ELF4: variants seen among roughly 807,000 people sequenced by gnomAD.
The protein encoded by ELF4 is E74 like ETS transcription factor 4.
A neutral mutation model predicts 31.7 loss-of-function variants in ELF4; 10 were observed. The observed-to-expected ratio is 0.32, with a 90% CI of 0.19 to 0.54. ELF4 has a LOEUF of 0.54. ELF4 is among the 20% of genes least tolerant of loss of function. The pLI, the probability that ELF4 is intolerant of heterozygous loss-of-function variation, is 0.95. For synonymous variants in ELF4, 208 were observed against 226.7 expected (o/e 0.92, Z 0.74); for missense variants, 418 against 522.0 (o/e 0.80, Z 1.94).
intron 1 of ELF4, among the ~76,000 whole-genome samples, chrX:130,102,105 G>A (rs1026801718): frequency 7.2e-5 from 8 of 111,052 alleles, no homozygotes; most frequent in Non-Finnish European, 1.5e-4. Flanking sequence ...GAGATCGCAC[G>A]ACTGGCACTC....
rs1296111216 is a variant in ELF4, at chrX:130,063,969, A to ATTT, written c.*2749_*2751dup. Among the ~76,000 whole-genome samples, 2 of 70,100 alleles carry ATTT rather than the reference A, an allele frequency of 2.9e-5. No homozygotes were observed. Among genetic ancestry groups the ATTT allele is most frequent in the Non-Finnish European group, 4.9e-5 (2 of 41,031 alleles). The allele number at this position is 70,100 out of a possible 115,157, so 60.9% of individuals were successfully genotyped here. A position where few individuals can be genotyped will look rare whatever the true frequency, so the allele number is the denominator to read the frequency against. On this transcript the variant is annotated 3_prime_UTR_variant, in exon 9 of 9. Transcript: ENST00000308167. ...TCGTGACGGCCTTTTTGTTTGCTTG[A>ATTT]TTTTTATTATTATTATTATTATTAT...
At chrX:130,092,939 T>A (rs3848963) in intron 1 of ELF4, among the ~76,000 whole-genome samples, 5 of 109,789 alleles carry the variant, frequency 4.6e-5, no homozygotes, top group African/African-American at 1.0e-4. Context: ...GCAGTTGGCC[T>A]GTGGAGCCCA....
At chrX:130,075,477 C>T (rs1315670074) in intron 2 of ELF4, among the ~76,000 whole-genome samples, 5 of 109,667 alleles carry the variant, frequency 4.6e-5, no homozygotes, top group Admixed American at 2.0e-4. Flanking sequence ...GGAGTTTCAC[C>T]GTGTTAGCCA....
intron 1 of ELF4, among the ~76,000 whole-genome samples, chrX:130,088,976 C>T (rs1173963257): frequency 3.6e-5 from 4 of 111,299 alleles, no homozygotes; most frequent in East Asian, 2.8e-4. Context: ...CTCCCAAATG[C>T]GCCCTTCTGC....
At chrX:130,108,817 C>G (rs891295678) in intron 1 of ELF4, among the ~76,000 whole-genome samples, 7 of 109,725 alleles carry the variant, frequency 6.4e-5, no homozygotes, top group South Asian at 8.0e-4. Flanking sequence ...TGGTCCCCCC[C>G]ACCCCTGCCC....
intron 7 of ELF4, among the ~76,000 whole-genome samples, chrX:130,069,940 C>T (rs1420732523): frequency 7.1e-5 from 8 of 112,332 alleles, no homozygotes; most frequent in African/African-American, 2.6e-4. Flanking sequence ...CCACTCCAAC[C>T]CCCTGCTTTG....
chrX:130,081,225 G>C (rs1021456513), intron 2 of ELF4, 31 bp downstream of exon 2: 1 of 1,203,889 alleles, frequency 8.3e-7, no homozygotes, highest in Non-Finnish European at 1.1e-6. Context: ...GTCCACAGGG[G>C]CTAACTGTGC....
intron 1 of ELF4, among the ~76,000 whole-genome samples, 180 bp from the exon 2 acceptor site, chrX:130,081,719 G>C (rs1932890602): frequency 8.9e-6 from 1 of 112,515 alleles, no homozygotes; most frequent in South Asian, 3.7e-4. Context: ...GTCAGGGAAA[G>C]AAAGAAGGAG....
intron 1 of ELF4, among the ~76,000 whole-genome samples, chrX:130,106,294 G>A (rs777088187): frequency 1.8e-5 from 2 of 110,669 alleles, no homozygotes; most frequent in Non-Finnish European, 3.8e-5. Context: ...CCACTGGCCC[G>A]GCTGCTTGTC....
chrX:130,103,671 G>A (rs1231727596), intron 1 of ELF4, among the ~76,000 whole-genome samples: 3 of 111,715 alleles, frequency 2.7e-5, no homozygotes, highest in Non-Finnish European at 3.8e-5. Flanking sequence ...CCTTGTTATC[G>A]GGTCATCAGG....
At chrX:130,090,372 C>CA (rs1183281100) in intron 1 of ELF4, among the ~76,000 whole-genome samples, 1,374 of 96,330 alleles carry the variant, frequency 0.014, 18 homozygotes, top group African/African-American at 0.046. Context: ...GACTCTGTCT[C>CA]AAAAAAAAAA....
At chrX:130,092,928 C>T (rs139049166) in intron 1 of ELF4, among the ~76,000 whole-genome samples, 66 of 110,597 alleles carry the variant, frequency 6.0e-4, no homozygotes, top group African/African-American at 1.4e-3. Context: ...ACTCAAGTCC[C>T]GCAGTTGGCC....
chrX:130,109,949 G>T (rs191023921), intron 1 of ELF4, among the ~76,000 whole-genome samples: 1 of 112,944 alleles, frequency 8.9e-6, no homozygotes, highest in Non-Finnish European at 1.9e-5. Context: ...AGCCCCGGGG[G>T]CAGTCGGATC....
chrX:130,111,350 C>A (rs1248735580), upstream of ELF4, among the ~76,000 whole-genome samples: 7 of 112,889 alleles, frequency 6.2e-5, no homozygotes, highest in African/African-American at 2.2e-4. Context: ...TTTCGTCCAG[C>A]CCCCTCGGCC....
At chrX:130,105,522 T>C (rs747363229) in intron 1 of ELF4, among the ~76,000 whole-genome samples, 16 of 111,275 alleles carry the variant, frequency 1.4e-4, no homozygotes, top group Admixed American at 2.9e-4. Context: ...GAGTTTTTTA[T>C]CCAATTAAAC....
At chrX:130,092,868 T>C (rs1258471448) in intron 1 of ELF4, among the ~76,000 whole-genome samples, 1 of 110,784 alleles carries the variant, frequency 9.0e-6, no homozygotes, top group Non-Finnish European at 1.9e-5. Context: ...TCCCCTGGCA[T>C]ACTTGGGGAT....
At chrX:130,100,935 C>T (rs757335757) in intron 1 of ELF4, among the ~76,000 whole-genome samples, 8 of 112,131 alleles carry the variant, frequency 7.1e-5, no homozygotes, top group Non-Finnish European at 1.5e-4. Flanking sequence ...GGTAAGGTAG[C>T]CATAGAGTTG....
Position 130,066,715 on chromosome X carries a change from C to A in ELF4, c.*6G>T, listed in dbSNP as rs1323179396. 8.3e-7 allele frequency: 1 copy of A among 1,209,809 alleles called. No homozygotes were observed. Among genetic ancestry groups the A allele is most frequent in the African/African-American group, 1.7e-5 (1 of 57,761 alleles). On this transcript the variant is annotated 3_prime_UTR_variant, in exon 9 of 9. Transcript: ENST00000308167. The stretch of plus-strand genomic sequence containing the variant: ...TGGTGGGTCACACTTGCCCTGACCC[C>A]TTTGCTTATATGTCATGGGGCTCCA...
intron 5 of ELF4, among the ~76,000 whole-genome samples, chrX:130,072,003 TGAAA>T (rs1288913004): frequency 1.8e-5 from 2 of 112,046 alleles, no homozygotes; most frequent in Admixed American, 9.4e-5. Flanking sequence ...TTAATGTTTC[TGAAA>T]GAGTTTATGC....
Sources: allele counts gnomAD v4.1 joint callset (sites outside exome capture counted in the v4.1 genomes callset), GRCh38; gene constraint gnomAD v4.1.1; transcripts MANE v1.5; gene names NCBI Gene and HGNC (gene_info 2026-07-23, HGNC 2026-07-21).